The following SLC22A15 variants were observed in gnomAD, a reference collection of about 807,000 sequenced individuals.
SLC22A15 encodes the protein solute carrier family 22 member 15, also known as flipt 1.
SLC22A15 carries 45 observed loss-of-function variants against 62.7 expected under a neutral mutation model. The observed-to-expected ratio is 0.72, with a 90% confidence interval of 0.56 to 0.92. The LOEUF (loss-of-function observed/expected upper bound fraction) is 0.92, where lower values mean the gene tolerates loss of function less well. SLC22A15 is among the 40% of genes least tolerant of loss of function. The probability of loss-of-function intolerance (pLI) is 0.00; values close to 1 mark genes in which losing one functional copy is unlikely to be tolerated. For synonymous variants in SLC22A15, 264 were observed against 267.0 expected, an observed-to-expected ratio of 0.99 and a Z score of 0.11; for missense variants, 622 against 665.6, an observed-to-expected ratio of 0.93 and a Z score of 0.72.
chr1:116,001,882 C>T (rs919732677), intron 2 of SLC22A15, among the ~76,000 whole-genome samples: 4 of 152,102 alleles, frequency 2.6e-5, no homozygotes, highest in Non-Finnish European at 4.4e-5. Context: ...TGAATGGTCT[C>T]GATGCCTGTG....
At chr1:116,004,124 A>G (rs746805780) in intron 2 of SLC22A15, among the ~76,000 whole-genome samples, 4 of 152,066 alleles carry the variant, frequency 2.6e-5, no homozygotes, top group Admixed American at 6.5e-5. Context: ...ATAAGTCCTC[A>G]GTTTTAGTTG....
Position 116,009,514 on chromosome 1 carries a change from C to T in SLC22A15, c.301-10068C>T, listed in dbSNP as rs549292081. On this transcript the variant is annotated intron_variant, in intron 2 of 11. Coordinates refer to ENST00000369503, the MANE Select transcript of SLC22A15 (RefSeq NM_018420.3). ...GTGATCAAGGGGCAGCCAAGGCCAG[C>T]AGCACCAGGCAGCATGTTGGCATCA... Among the ~76,000 whole-genome samples, 6 of 152,270 alleles carry T rather than the reference C, an allele frequency of 3.9e-5. No individual in the cohort carries two copies. In the South Asian group the frequency reaches 1.2e-3, roughly 32 times the overall value.
chr1:116,062,501 C>T (rs1333867111), intron 8 of SLC22A15, among the ~76,000 whole-genome samples: 1 of 152,170 alleles, frequency 6.6e-6, no homozygotes, highest in Non-Finnish European at 1.5e-5. Flanking sequence ...TTTCAGGGTA[C>T]TCTGTCATTC....
rs955461961 is a variant in SLC22A15, at chr1:116,031,916, A to G, written c.944+335A>G. The G allele has an allele frequency of 6.3e-6, 7 of 1,103,008 alleles. No individual in the cohort carries two copies. The African/African-American group carries it at 1.2e-4, about 18-fold the overall frequency. 68.3% of individuals were successfully genotyped at this position (1,103,008 alleles called of 1,614,324 possible). ...AAAAAAGGAAAGAAAGCAAATAAGC[A>G]TGGTAGAAATAGATGAGTTTTTAAA... On this transcript the variant is annotated intron_variant, in intron 6 of 11. Transcript: ENST00000369503.
chr1:116,041,943 T>G (rs191883391), intron 8 of SLC22A15, among the ~76,000 whole-genome samples: 104 of 150,044 alleles, frequency 6.9e-4, no homozygotes, highest in Non-Finnish European at 1.2e-3. Flanking sequence ...AACCCTGGTT[T>G]GTTTGTTTGT....
Position 116,028,248 on chromosome 1 carries a change from ATTT to A in SLC22A15, c.728+1229_728+1231del, listed in dbSNP as rs1272854420. Among the ~76,000 whole-genome samples the A allele has an allele frequency of 3.3e-5, 5 of 152,212 alleles. No homozygotes were observed. In the East Asian group the frequency reaches 9.6e-4, roughly 29 times the overall value. ...TTTAAAAATAAAATTTATTAAATGT[ATTT>A]TTAGTTATATGAATTTGAGTGAGAT... On this transcript the variant is annotated intron_variant, in intron 5 of 11. Transcript: ENST00000369503.
At chr1:116,005,847 A>G (rs1655952183) in intron 2 of SLC22A15, among the ~76,000 whole-genome samples, 2 of 152,164 alleles carry the variant, frequency 1.3e-5, no homozygotes, top group Non-Finnish European at 2.9e-5. Flanking sequence ...AGTACCCCTA[A>G]TATATTGACA....
rs192971419 is a variant in SLC22A15 at position 116,005,076 on chromosome 1, C to T, written c.300+12833C>T. Among the ~76,000 whole-genome samples the T allele has an allele frequency of 1.0e-3, 153 of 152,186 alleles. 2 individuals carry two copies. Among genetic ancestry groups the T allele is most frequent in the Non-Finnish European group, 1.3e-4 (9 of 68,018 alleles). On this transcript the variant is annotated intron_variant, in intron 2 of 11. Coordinates refer to ENST00000369503, the MANE Select transcript of SLC22A15 (RefSeq NM_018420.3). ...CTTTTTTTCTTATTTAATTACTTCTCAGTCATTATAGAGATTTGTCAATAT... is the reference window on the plus strand; with the variant it reads ...CTTTTTTTCTTATTTAATTACTTCTTAGTCATTATAGAGATTTGTCAATAT...
At chr1:116,011,194 A>G (rs778228733) in intron 2 of SLC22A15, among the ~76,000 whole-genome samples, 4 of 152,160 alleles carry the variant, frequency 2.6e-5, no homozygotes, top group Non-Finnish European at 4.4e-5. Flanking sequence ...TCCTTGATAT[A>G]CTGTGAATCA....
chr1:116,041,802 CA>C (rs1657791435), intron 8 of SLC22A15, among the ~76,000 whole-genome samples: 1 of 152,068 alleles, frequency 6.6e-6, no homozygotes, highest in Non-Finnish European at 1.5e-5. Context: ...CTACTGAGGC[CA>C]GGGGGAGACC....
chr1:115,992,268 T>C, intron 2 of SLC22A15, 25 bp downstream of exon 2: 2 of 1,522,812 alleles, frequency 1.3e-6, no homozygotes, highest in Non-Finnish European at 8.9e-7. Flanking sequence ...TTTCAATCAC[T>C]AAATAAATGT....
chr1:116,028,889 C>T (rs368944324), intron 5 of SLC22A15, among the ~76,000 whole-genome samples: 6 of 152,252 alleles, frequency 3.9e-5, no homozygotes, highest in Non-Finnish European at 7.3e-5. Context: ...TCTCAAATGC[C>T]GTCCACCCCA....
chr1:116,059,729 A>G (rs1370799422), intron 8 of SLC22A15, among the ~76,000 whole-genome samples: 1 of 152,238 alleles, frequency 6.6e-6, no homozygotes, highest in Non-Finnish European at 1.5e-5. Flanking sequence ...AACAATCAAA[A>G]TGAACAATTT....
At position 115,993,428 on chromosome 1, in the gene SLC22A15, A is replaced by AGAGTGTGTGT. The variant is rs1406043731; in HGVS notation, c.300+1186_300+1187insAGTGTGTGTG. On this transcript the variant is annotated intron_variant, in intron 2 of 11. Transcript: ENST00000369503. ...TCTCCTGTGTGTGTGAGTGTGTGAG[A>AGAGTGTGTGT]GTGTGTGTGTGTGTGTGTGTGTGTG... Among the ~76,000 whole-genome samples the AGAGTGTGTGT allele has an allele frequency of 7.3e-3, 1,045 of 143,520 alleles. 7 individuals are homozygous for AGAGTGTGTGT. The highest frequency in any genetic ancestry group is 9.5e-3 in the Non-Finnish European group (631 of 66,630). 94.2% of individuals were successfully genotyped at this position (143,520 alleles called of 152,430 possible).
chr1:116,054,888 G>GGGACACATTCA (rs1658159956), intron 8 of SLC22A15, among the ~76,000 whole-genome samples: 1 of 151,736 alleles, frequency 6.6e-6, no homozygotes, highest in African/African-American at 2.4e-5. Flanking sequence ...CAGAATCTCT[G>GGGACACATTCA]GGACACATTC....
intron 8 of SLC22A15, among the ~76,000 whole-genome samples, chr1:116,056,263 C>T (rs896132368): frequency 6.6e-5 from 10 of 151,310 alleles, no homozygotes; most frequent in African/African-American, 2.4e-4. Context: ...ACACCAATAA[C>T]AGACAATCAG....
At chr1:116,039,884 A>G (rs1242025932) in intron 8 of SLC22A15, among the ~76,000 whole-genome samples, 6 of 152,190 alleles carry the variant, frequency 3.9e-5, no homozygotes, top group Admixed American at 3.9e-4. Flanking sequence ...TTTAGGCTAC[A>G]TTTATAAAAG....
Position 116,066,556 on chromosome 1 carries a change from G to T in SLC22A15, c.1402G>T (p.Gly468Ter). The change falls in exon 11 of 12, where the codon GGA becomes TGA. Residue 468 changes from glycine to a stop codon, truncating the protein, a stop_gained. Coordinates refer to ENST00000369503, the MANE Select transcript of SLC22A15 (RefSeq NM_018420.3). LOFTEE classifies it high-confidence loss of function. ...ATGGTCTTTACCATTCATTGTCTTC[G>T]GAGCCACGGGTCTGACCTCCGGCCT... ...VQWSLPFIVFGATGLTSGLLS... is the reference protein window; with the variant it reads ...VQWSLPFIVF 2 of 1,606,694 alleles carry T rather than the reference G, an allele frequency of 1.2e-6. No individual in the cohort carries two copies. Among genetic ancestry groups the T allele is most frequent in the East Asian group, 4.5e-5 (2 of 44,578 alleles).
rs977139632 is a variant in SLC22A15, at chr1:116,067,777, G to A, written c.*669G>A. The A allele has an allele frequency of 1.4e-4, 21 of 152,378 alleles. No individual in the cohort carries two copies. Among genetic ancestry groups the A allele is most frequent in the Non-Finnish European group, 2.5e-4 (17 of 68,144 alleles). 9.4% of individuals were successfully genotyped at this position (152,378 alleles called of 1,614,324 possible). ...TAGGAAAAGCCAGATATACCAAAGC[G>A]GTTTACTCAGAGTCAGGGGTGTAGC... On this transcript the variant is annotated 3_prime_UTR_variant, in exon 12 of 12. Coordinates refer to ENST00000369503, the MANE Select transcript of SLC22A15 (RefSeq NM_018420.3).
Sources: gnomAD v4.1 joint callset for allele counts (sites outside exome capture counted in the v4.1 genomes callset) on GRCh38, gnomAD v4.1.1 for gene constraint, MANE v1.5 for transcripts, NCBI Gene and HGNC (gene_info 2026-07-23, HGNC 2026-07-21) for gene names.